Variants in ZNF738 observed in about 807,000 individuals in gnomAD.
ZNF738 encodes protein ZNF738.
Under a neutral mutation model 9.2 loss-of-function variants are expected in ZNF738, and 10 were observed. The ratio of observed to expected loss-of-function variants is 1.09; its 90% CI spans 0.67 to 1.85. The LOEUF (loss-of-function observed/expected upper bound fraction) is 1.85. ZNF738 is among the 40% of genes most tolerant of loss of function. ZNF738 has a pLI of 0.00. For synonymous variants in ZNF738, 113 were observed against 94.5 expected, an observed-to-expected ratio of 1.20 and a Z score of -1.14; for missense variants, 346 against 283.6, an observed-to-expected ratio of 1.22 and a Z score of -1.58.
intron 4 of ZNF738, among the ~76,000 whole-genome samples, chr19:21,380,866 AG>A (rs1465254497): frequency 1.3e-5 from 2 of 152,114 alleles, no homozygotes; most frequent in Admixed American, 6.5e-5. Flanking sequence ...AGAAATGCTG[AG>A]GGGGATGCAT....
rs1209691632 is a variant in ZNF738, at chr19:21,388,339, C to T, written c.*4665C>T. 6.6e-6 allele frequency among the ~76,000 whole-genome samples: 1 copy of T among 152,078 alleles called. No individual in the cohort carries two copies. The highest frequency in any genetic ancestry group is 1.9e-4 in the East Asian group (1 of 5,194). ...TGTTGCATCAAAGGTATGAGAGATT[C>T]TTTTCCATTAGGTGGGCATTTATGA... On this transcript the variant is annotated 3_prime_UTR_variant, in exon 5 of 5. Transcript: ENST00000683779.
chr19:21,362,154 C>A (rs1302585597), intron 2 of ZNF738, among the ~76,000 whole-genome samples: 1 of 151,658 alleles, frequency 6.6e-6, no homozygotes, highest in Non-Finnish European at 1.5e-5. Flanking sequence ...CTTCTACCAA[C>A]CCTGCTTCCA....
At chr19:21,368,128 G>A (rs1419354664) in intron 2 of ZNF738, among the ~76,000 whole-genome samples, 3 of 152,312 alleles carry the variant, frequency 2.0e-5, no homozygotes, top group East Asian at 1.9e-4. Flanking sequence ...AGGCATACAC[G>A]TGCAGGTTTG....
chr19:21,368,525 A>G (rs964343809), intron 2 of ZNF738, among the ~76,000 whole-genome samples: 2 of 151,772 alleles, frequency 1.3e-5, no homozygotes, highest in Admixed American at 1.3e-4. Context: ...CAATGGTGCT[A>G]TCTCGGCTCA....
intron 4 of ZNF738, among the ~76,000 whole-genome samples, chr19:21,380,818 T>C (rs1457680485): frequency 6.6e-6 from 1 of 152,120 alleles, no homozygotes; most frequent in Non-Finnish European, 1.5e-5. Flanking sequence ...AGTCAGGACG[T>C]CCTGTCTCAG....
chr19:21,376,944 G>C (rs151202473), intron 4 of ZNF738, among the ~76,000 whole-genome samples: 24 of 152,212 alleles, frequency 1.6e-4, no homozygotes, highest in African/African-American at 5.8e-4. Flanking sequence ...CAAAGAGAAT[G>C]TTGCATAAGC....
At chr19:21,377,910 T>C (rs1018351737) in intron 4 of ZNF738, 5 of 386,842 alleles carry the variant, frequency 1.3e-5, no homozygotes, top group African/African-American at 2.1e-5. Flanking sequence ...GATTCTTGCA[T>C]CTTTGTCCCA....
rs1424671654 is a variant in ZNF738 at position 21,384,144 on chromosome 19, C to A, written c.*470C>A. 6.8e-7 allele frequency: 1 copy of A among 1,472,872 alleles called. No individual in the cohort carries two copies. The allele number at this position is 1,472,872 out of a possible 1,614,324, so 91.2% of individuals were successfully genotyped here. ...TTATCTTACTACACATAAGATGATT[C>A]ATACTGTAGAGAAACGCTACAAATG... On this transcript the variant is annotated 3_prime_UTR_variant, in exon 5 of 5. Coordinates refer to ENST00000683779, the MANE Select transcript of ZNF738 (RefSeq NM_001355237.2).
Position 21,384,943 on chromosome 19 carries a change from CT to C in ZNF738, c.*1271del, listed in dbSNP as rs1376632479. Among the ~76,000 whole-genome samples, 2 of 152,190 alleles carry C rather than the reference CT, an allele frequency of 1.3e-5. No homozygotes were observed. Among genetic ancestry groups the C allele is most frequent in the African/African-American group, 4.8e-5 (2 of 41,444 alleles). ...TACAAATGTAAAAAATGTGGCAAAC[CT>C]TATAACCAGTACTCATACTTTACTA... On this transcript the variant is annotated 3_prime_UTR_variant, in exon 5 of 5. Coordinates refer to ENST00000683779, the MANE Select transcript of ZNF738 (RefSeq NM_001355237.2).
intron 3 of ZNF738, 147 bp downstream of exon 3, chr19:21,375,511 G>T: frequency 2.0e-6 from 1 of 509,030 alleles, no homozygotes; most frequent in African/African-American, 2.0e-5. Flanking sequence ...TATCCATGCA[G>T]AAAAAAATTT....
intron 2 of ZNF738, among the ~76,000 whole-genome samples, chr19:21,364,692 A>G (rs1973751009): frequency 6.6e-6 from 1 of 151,768 alleles, no homozygotes; most frequent in Non-Finnish European, 1.5e-5. Context: ...TGCTTACTCC[A>G]TAGGCAGAGC....
Position 21,361,626 on chromosome 19 carries a change from T to A in ZNF738, c.4-140T>A, listed in dbSNP as rs2145216132. The A allele has an allele frequency of 6.1e-6, 4 of 657,930 alleles. No homozygotes were observed. The South Asian group carries it at 6.5e-5, about 11-fold the overall frequency. 40.8% of individuals were successfully genotyped at this position (657,930 alleles called of 1,614,324 possible). The stretch of plus-strand genomic sequence containing the variant: ...GTTCTGCTTTGGAAAATTTATGGGG[T>A]GATGTGTCCTCAGCCACCGTTTAGT... On this transcript the variant is annotated intron_variant, in intron 1 of 4. Transcript: ENST00000683779.
chr19:21,360,673 C>G (rs933734458), intron 1 of ZNF738: 3 of 152,100 alleles, frequency 2.0e-5, no homozygotes, highest in Non-Finnish European at 2.9e-5. Context: ...AGGCTGGTCT[C>G]GAACTCCTGA....
intron 2 of ZNF738, among the ~76,000 whole-genome samples, chr19:21,362,080 CTAATAATAA>C: frequency 1.4e-5 from 2 of 139,840 alleles, no homozygotes; most frequent in South Asian, 2.4e-4. Flanking sequence ...GAAACTCCAT[CTAATAATAA>C]TAATAATGAT....
At chr19:21,365,537 T>A (rs1447509882) in intron 2 of ZNF738, among the ~76,000 whole-genome samples, 28 of 152,164 alleles carry the variant, frequency 1.8e-4, no homozygotes, top group Admixed American at 1.7e-3. Context: ...CTTGCTTAAC[T>A]ATTAGAGTCT....
chr19:21,369,845 G>C lies in ZNF738; in HGVS notation c.97-5393G>C, dbSNP rs573300843. Reference sequence around the variant, plus strand: ...TTTTTTTTTTTTGAGACATAGTCTCGCACTCTCTCACAGGCTGGAGTGCTA... The same window carrying C: ...TTTTTTTTTTTTGAGACATAGTCTCCCACTCTCTCACAGGCTGGAGTGCTA... On this transcript the variant is annotated intron_variant, in intron 2 of 4. Coordinates refer to ENST00000683779, the MANE Select transcript of ZNF738 (RefSeq NM_001355237.2). 3.4e-5 allele frequency among the ~76,000 whole-genome samples: 5 copies of C among 148,244 alleles called. No homozygotes were observed. The East Asian group carries it at 9.9e-4, about 29-fold the overall frequency.
At position 21,359,014 on chromosome 19, in the gene ZNF738, C is replaced by T. The variant is rs1369436271; in HGVS notation, c.-127C>T. The stretch of plus-strand genomic sequence containing the variant: ...TCCGCTTCTTTGTCTTTGGCTGCCG[C>T]TGGAACTCCGGGTCTCGTCTTCACT... On this transcript the variant is annotated 5_prime_UTR_variant, in exon 1 of 5. Transcript: ENST00000683779. The T allele has an allele frequency of 5.2e-6, 4 of 764,820 alleles. No homozygotes were observed. In the East Asian group the frequency reaches 1.1e-4, roughly 20 times the overall value. The allele number at this position is 764,820 out of a possible 1,614,324, so 47.4% of individuals were successfully genotyped here.
At chr19:21,364,057 C>T (rs576536173) in intron 2 of ZNF738, among the ~76,000 whole-genome samples, 8 of 150,898 alleles carry the variant, frequency 5.3e-5, no homozygotes, top group Non-Finnish European at 8.9e-5. Flanking sequence ...ATAATCCAGG[C>T]GTAGAGATGT....
intron 2 of ZNF738, among the ~76,000 whole-genome samples, chr19:21,370,628 C>T (rs1044036568): frequency 6.6e-6 from 1 of 152,124 alleles, no homozygotes; most frequent in African/African-American, 2.4e-5. Context: ...TGTATCTTTG[C>T]TCCAAGTTTA....
Sources: allele counts gnomAD v4.1 joint callset (sites outside exome capture counted in the v4.1 genomes callset), GRCh38; gene constraint gnomAD v4.1.1; transcripts MANE v1.5; gene names NCBI Gene and HGNC (gene_info 2026-07-23, HGNC 2026-07-21).